Variants in MGAT4C observed in about 807,000 individuals in gnomAD.
The protein encoded by MGAT4C is alpha-1,3-mannosyl-glycoprotein 4-beta-N-acetylglucosaminyltransferase C.
MGAT4C carries 19 observed loss-of-function variants against 40.1 expected under a neutral mutation model. The observed-to-expected ratio is 0.47, with a 90% CI of 0.33 to 0.70. The LOEUF is 0.70. Among genes scored for constraint, MGAT4C ranks in the 30% least tolerant of loss-of-function variants. MGAT4C has a pLI of 0.02. For missense variants in MGAT4C, 491 were observed against 563.2 expected (o/e 0.87, Z 1.30); for synonymous variants, 181 against 187.1 (o/e 0.97, Z 0.27).
chr12:86,503,998 T>C (rs2136338440), intron 2 of MGAT4C, among the ~76,000 whole-genome samples: 1 of 151,376 alleles, frequency 6.6e-6, no homozygotes, highest in East Asian at 2.0e-4. Flanking sequence ...ATAAAAGAAG[T>C]GTGAAAAGGC....
chr12:86,511,293 G>A (rs1229698808), intron 2 of MGAT4C, among the ~76,000 whole-genome samples: 1 of 151,884 alleles, frequency 6.6e-6, no homozygotes, highest in East Asian at 1.9e-4. Flanking sequence ...TGAAACCAAC[G>A]AGAACAAAGA....
At chr12:86,239,439 C>T (rs564139410) in intron 1 of MGAT4C, among the ~76,000 whole-genome samples, 13 of 152,058 alleles carry the variant, frequency 8.5e-5, no homozygotes, top group East Asian at 1.9e-4. Context: ...CTTCAGCTGA[C>T]GCATAAATGT....
chr12:86,451,763 C>G (rs1273704073), intron 2 of MGAT4C, among the ~76,000 whole-genome samples: 1 of 152,024 alleles, frequency 6.6e-6, no homozygotes, highest in Non-Finnish European at 1.5e-5. Context: ...TTAATGCTCT[C>G]TTTTTCAAAG....
intron 2 of MGAT4C, among the ~76,000 whole-genome samples, chr12:86,546,500 C>A (rs1052266063): frequency 1.3e-5 from 2 of 151,816 alleles, no homozygotes; most frequent in African/African-American, 2.4e-5. Flanking sequence ...TAAAATGAAA[C>A]CATATGTCTC....
chr12:86,223,346 T>A (rs555149032), intron 1 of MGAT4C, among the ~76,000 whole-genome samples: 14 of 152,324 alleles, frequency 9.2e-5, no homozygotes, highest in African/African-American at 3.4e-4. Flanking sequence ...AAAGTCTATG[T>A]CCTGCCCTGG....
At chr12:86,792,323 G>T (rs1952036691) in intron 1 of MGAT4C, among the ~76,000 whole-genome samples, 1 of 152,014 alleles carries the variant, frequency 6.6e-6, no homozygotes, top group African/African-American at 2.4e-5. Flanking sequence ...AAATATAGAA[G>T]AAAATGTATC....
Position 85,968,347 on chromosome 12 carries a change from A to G in MGAT4C, c.*10942T>C, listed in dbSNP as rs1883459544. On this transcript the variant is annotated 3_prime_UTR_variant, in exon 5 of 5. Transcript: ENST00000611864. The stretch of plus-strand genomic sequence containing the variant: ...TCATCATTAGATTTTATGTGTTAAA[A>G]AGTGGATTTATAGTCTCTAATTAAT... 1 of 152,008 alleles carries G rather than the reference A, an allele frequency of 6.6e-6. No individual in the cohort carries two copies. The highest frequency in any genetic ancestry group is 2.1e-4 in the South Asian group (1 of 4,832). 9.4% of individuals were successfully genotyped at this position (152,008 alleles called of 1,614,324 possible).
At chr12:86,589,106 A>C (rs916736697) in intron 2 of MGAT4C, among the ~76,000 whole-genome samples, 62 of 151,896 alleles carry the variant, frequency 4.1e-4, no homozygotes, top group African/African-American at 1.5e-3. Flanking sequence ...AAATTAATGA[A>C]TCCAGGAGCT....
intron 2 of MGAT4C, among the ~76,000 whole-genome samples, chr12:86,627,493 T>TG (rs57645640): frequency 1 from 152,240 of 152,246 alleles, 76,117 homozygotes; most frequent in Middle Eastern, 1. Flanking sequence ...TTCATACAGC[T>TG]GGTGCCCCTC....
intron 1 of MGAT4C, among the ~76,000 whole-genome samples, chr12:86,091,285 C>A (rs946164016): frequency 2.0e-5 from 3 of 151,996 alleles, no homozygotes; most frequent in Non-Finnish European, 4.4e-5. Context: ...AACACAAAAC[C>A]TCAATGTATA....
chr12:86,262,897 T>G (rs1230817778), intron 4 of MGAT4C, among the ~76,000 whole-genome samples: 1 of 152,108 alleles, frequency 6.6e-6, no homozygotes, highest in East Asian at 1.9e-4. Flanking sequence ...ACCGACTGGA[T>G]TTCCATATGG....
chr12:86,294,564 A>C (rs1283827548), intron 4 of MGAT4C, among the ~76,000 whole-genome samples: 1 of 152,118 alleles, frequency 6.6e-6, no homozygotes, highest in Non-Finnish European at 1.5e-5. Context: ...ATTCAACTGT[A>C]CTTTCTCCCA....
intron 3 of MGAT4C, among the ~76,000 whole-genome samples, chr12:86,349,592 G>A (rs1310423909): frequency 1.3e-5 from 2 of 152,048 alleles, no homozygotes; most frequent in Admixed American, 1.3e-4. Context: ...GCTTCAACCA[G>A]CTAGGAACTC....
intron 1 of MGAT4C, among the ~76,000 whole-genome samples, chr12:86,056,427 CCT>C (rs1893396977): frequency 6.6e-6 from 1 of 152,084 alleles, no homozygotes; most frequent in Non-Finnish European, 1.5e-5. Flanking sequence ...TATTCCCCAC[CCT>C]GTGTCCAAGT....
chr12:86,089,117 CA>C (rs1203324521), intron 1 of MGAT4C, among the ~76,000 whole-genome samples: 1 of 151,704 alleles, frequency 6.6e-6, no homozygotes, highest in Non-Finnish European at 1.5e-5. Flanking sequence ...CAAACCTCAG[CA>C]AAATTATAAA....
chr12:86,656,952 C>T (rs554091027), intron 2 of MGAT4C, among the ~76,000 whole-genome samples: 10 of 152,088 alleles, frequency 6.6e-5, no homozygotes, highest in South Asian at 6.2e-4. Flanking sequence ...TTGATTCTAA[C>T]AATTTTGAAA....
intron 2 of MGAT4C, among the ~76,000 whole-genome samples, chr12:86,641,979 A>G (rs1040123931): frequency 6.6e-6 from 1 of 151,824 alleles, no homozygotes. Flanking sequence ...ATTTAGTAAA[A>G]TATTTTGTCA....
chr12:86,030,527 T>A (rs1191978822), intron 2 of MGAT4C, among the ~76,000 whole-genome samples: 1 of 151,772 alleles, frequency 6.6e-6, no homozygotes, highest in Non-Finnish European at 1.5e-5. Context: ...TTTACTAGTA[T>A]CAAGCACTTG....
rs1307285262 is a variant in MGAT4C, at chr12:85,981,634, A to AT, written c.296-1205dup. Among the ~76,000 whole-genome samples the AT allele has an allele frequency of 4.6e-5, 7 of 152,194 alleles. 1 individual carries two copies. The highest frequency in any genetic ancestry group is 1.7e-4 in the African/African-American group (7 of 41,460). On this transcript the variant is annotated intron_variant, in intron 4 of 4. Coordinates refer to ENST00000611864, the MANE Select transcript of MGAT4C (RefSeq NM_001351288.2). ...CTACATAAGAGGCAGGAGTTTGGGC[A>AT]TTTTATCTGTAATATGCATCTTAAA... is the stretch of plus-strand genomic sequence containing the variant.
Sources: allele counts gnomAD v4.1 joint callset (sites outside exome capture counted in the v4.1 genomes callset), GRCh38; gene constraint gnomAD v4.1.1; transcripts MANE v1.5; gene names NCBI Gene and HGNC (gene_info 2026-07-23, HGNC 2026-07-21).